AKAP8L: variants seen among roughly 807,000 people sequenced by gnomAD.
The protein encoded by AKAP8L is A-kinase anchoring protein 8 like.
Under a neutral mutation model 77.5 loss-of-function variants are expected in AKAP8L, and 34 were observed. The observed-to-expected ratio is 0.44, with a 90% CI of 0.33 to 0.58. The LOEUF (loss-of-function observed/expected upper bound fraction) is 0.58, where lower values mean the gene tolerates loss of function less well. Ranked by LOEUF, AKAP8L falls within the 20% of genes least tolerant of loss-of-function variation. The pLI is 0.02. For synonymous variants in AKAP8L, 342 were observed against 340.7 expected, an observed-to-expected ratio of 1.00 and a Z score of -0.04; for missense variants, 806 against 887.6, an observed-to-expected ratio of 0.91 and a Z score of 1.17.
chr19:15,417,474 A>AT (rs1968227948), intron 1 of AKAP8L, among the ~76,000 whole-genome samples: 1 of 152,094 alleles, frequency 6.6e-6, no homozygotes, highest in African/African-American at 2.4e-5. Flanking sequence ...CCAAACCTCC[A>AT]TCCACTAGAT....
At chr19:15,411,293 G>A (rs1158448579) in intron 1 of AKAP8L, among the ~76,000 whole-genome samples, 1 of 152,158 alleles carries the variant, frequency 6.6e-6, no homozygotes, top group Non-Finnish European at 1.5e-5. Context: ...CCCCCTCCCT[G>A]TTCTAAATCT....
chr19:15,401,098 T>G lies in AKAP8L; in HGVS notation c.816+52A>C. ...GGGTGCATGGCACCCGGCCCTTAGC[T>G]CCGCCCCAGTGGGAACTAAGCTTCC... is the stretch of plus-strand genomic sequence containing the variant. On this transcript the variant is annotated intron_variant, in intron 5 of 13. Transcript: ENST00000397410. The surrounding 1 kb of genome is among the most constrained non-coding windows in gnomAD (Gnocchi z 6.2). The G allele has an allele frequency of 3.7e-6, 6 of 1,607,350 alleles. 1 individual carries two copies. The highest frequency in any genetic ancestry group is 5.1e-6 in the Non-Finnish European group (6 of 1,179,754).
chr19:15,391,774 G>A (rs965717801), intron 12 of AKAP8L, among the ~76,000 whole-genome samples: 5 of 151,872 alleles, frequency 3.3e-5, no homozygotes, highest in Admixed American at 6.6e-5. Context: ...TCCTGACCTC[G>A]TGATCTCCCG....
chr19:15,399,687 AAG>A lies in AKAP8L; in HGVS notation c.1049-279_1049-278del, dbSNP rs1280019168. On this transcript the variant is annotated intron_variant, in intron 8 of 13. Transcript: ENST00000397410. The surrounding 1 kb of genome is among the most constrained non-coding windows in gnomAD (Gnocchi z 6.1). ...TGGGCCAGGAGGAGGCTGGAAAGCA[AAG>A]AGGGGGTATCTTTGTGGGGACACTG... 1 of 474,650 alleles carries A rather than the reference AAG, an allele frequency of 2.1e-6. No homozygotes were observed. The highest frequency in any genetic ancestry group is 2.4e-5 in the South Asian group (1 of 42,340). 29.4% of individuals were successfully genotyped at this position (474,650 alleles called of 1,614,324 possible).
intron 1 of AKAP8L, among the ~76,000 whole-genome samples, chr19:15,414,029 A>G (rs1377860243): frequency 6.7e-6 from 1 of 150,346 alleles, no homozygotes; most frequent in African/African-American, 2.4e-5. Flanking sequence ...GCCCTTCTGT[A>G]GCCAGTTTTG....
At chr19:15,386,600 C>T (rs543620480) in intron 12 of AKAP8L, among the ~76,000 whole-genome samples, 1 of 152,272 alleles carries the variant, frequency 6.6e-6, no homozygotes, top group East Asian at 1.9e-4. Flanking sequence ...GGTCTGCCCG[C>T]ATCTACCCAG....
chr19:15,417,433 G>A (rs964385121), intron 1 of AKAP8L, among the ~76,000 whole-genome samples: 2 of 152,132 alleles, frequency 1.3e-5, no homozygotes, highest in African/African-American at 2.4e-5. Context: ...TGCGGTAGGT[G>A]TCATTGTGTA....
intron 12 of AKAP8L, among the ~76,000 whole-genome samples, chr19:15,387,582 G>T (rs879531112): frequency 7.9e-5 from 12 of 151,972 alleles, no homozygotes; most frequent in African/African-American, 2.9e-4. Context: ...GGCTAACTAG[G>T]TTACCAAAGA....
intron 12 of AKAP8L, among the ~76,000 whole-genome samples, chr19:15,386,029 G>C (rs893202973): frequency 1.3e-5 from 2 of 151,508 alleles, no homozygotes; most frequent in South Asian, 4.2e-4. Flanking sequence ...TCCTGCCTCA[G>C]CCTCTCGAGT....
In AKAP8L at chr19:15,397,025, T is replaced by C. The variant is rs1599603194; in HGVS notation, c.1536+125A>G. The C allele has an allele frequency of 6.6e-6, 9 of 1,366,764 alleles. No homozygotes were observed. The highest frequency in any genetic ancestry group is 2.3e-5 in the East Asian group (1 of 43,318). 84.7% of individuals were successfully genotyped at this position (1,366,764 alleles called of 1,614,324 possible). A position where few individuals can be genotyped will look rare whatever the true frequency, so the allele number is the denominator to read the frequency against. On this transcript the variant is annotated intron_variant, in intron 12 of 13. Coordinates refer to ENST00000397410, the MANE Select transcript of AKAP8L (RefSeq NM_014371.4). This position sits in a 1 kb window ranked among gnomAD's most constrained non-coding sequence, Gnocchi z 4.7. ...GCCTGCACTGAGCTGGAAATGTCCA[T>C]ATCCACCTCCTCCTGCCTCCACTGC...
intron 12 of AKAP8L, chr19:15,381,167 A>G (rs1967406655): frequency 6.5e-6 from 1 of 154,250 alleles, no homozygotes; most frequent in Admixed American, 6.4e-5. Flanking sequence ...GACACAATGT[A>G]TGAAAAGTAA....
chr19:15,395,759 C>T (rs924324794), intron 12 of AKAP8L, among the ~76,000 whole-genome samples: 6 of 146,232 alleles, frequency 4.1e-5, no homozygotes, highest in South Asian at 2.1e-4. Context: ...CCGAGGCGGG[C>T]GGATCACGAG....
chr19:15,416,891 C>T (rs1194780187), intron 1 of AKAP8L, among the ~76,000 whole-genome samples: 4 of 152,154 alleles, frequency 2.6e-5, no homozygotes, highest in Non-Finnish European at 5.9e-5. Context: ...ACATTTGCTT[C>T]GAGGCCTCTA....
chr19:15,414,222 G>A (rs550373984), intron 1 of AKAP8L, among the ~76,000 whole-genome samples: 5 of 151,794 alleles, frequency 3.3e-5, no homozygotes, highest in Non-Finnish European at 5.9e-5. Context: ...GCGCCACTAC[G>A]CATTTTGTAT....
At chr19:15,395,761 G>A (rs1301097668) in intron 12 of AKAP8L, among the ~76,000 whole-genome samples, 1 of 146,346 alleles carries the variant, frequency 6.8e-6, no homozygotes, top group African/African-American at 2.5e-5. Flanking sequence ...GAGGCGGGCG[G>A]ATCACGAGGT....
At chr19:15,410,688 C>T in intron 1 of AKAP8L, 94 bp from the exon 2 acceptor site, 1 of 991,698 alleles carries the variant, frequency 1.0e-6, no homozygotes, top group Non-Finnish European at 1.5e-6. Flanking sequence ...TGCCAGCAGG[C>T]CCTTCTCTCA....
At chr19:15,418,700 G>A (rs372831914) in intron 1 of AKAP8L, among the ~76,000 whole-genome samples, 266 of 152,350 alleles carry the variant, frequency 1.7e-3, no homozygotes, top group African/African-American at 6.1e-3. Flanking sequence ...TCAGGCGGCC[G>A]GGAGCCGGGA....
At position 15,418,916 on chromosome 19, in the gene AKAP8L, T is replaced by TAAC; in HGVS notation, c.7_8insGTT (p.Ser2_Tyr3insCys). On this transcript the variant is annotated inframe_insertion, in exon 1 of 14. Transcript: ENST00000397410. The stretch of plus-strand genomic sequence containing the variant: ...CCCCACCCTGCCAGGCCCACCTGTG[T>TAAC]AGCTCATGGTGGCGGGCAACACAAC... The TAAC allele has an allele frequency of 6.2e-7, 1 of 1,604,282 alleles. No homozygotes were observed. The highest frequency in any genetic ancestry group is 8.5e-7 in the Non-Finnish European group (1 of 1,179,408).
chr19:15,385,220 G>A (rs1342859372), intron 12 of AKAP8L, among the ~76,000 whole-genome samples: 24 of 141,734 alleles, frequency 1.7e-4, no homozygotes, highest in Middle Eastern at 4.3e-3. Flanking sequence ...CTCGTGATCC[G>A]CCCGCCTCGG....
Sources: allele counts gnomAD v4.1 joint callset (sites outside exome capture counted in the v4.1 genomes callset), GRCh38; gene constraint gnomAD v4.1.1; non-coding constraint Gnocchi (gnomAD v3.1); transcripts MANE v1.5; gene names NCBI Gene and HGNC (gene_info 2026-07-23, HGNC 2026-07-21).